Variants in DSCAM observed in about 807,000 individuals in gnomAD.
The protein encoded by DSCAM is DS cell adhesion molecule.
A neutral mutation model predicts 217.7 loss-of-function variants in DSCAM; 47 were observed. That is an observed-to-expected ratio of 0.22 (90% CI 0.17 to 0.28). The LOEUF (loss-of-function observed/expected upper bound fraction) is 0.28. Ranked by LOEUF, DSCAM falls within the 10% of genes least tolerant of loss-of-function variation. The pLI is 1.00. For synonymous variants in DSCAM, 1,056 were observed against 1,015.3 expected (o/e 1.04, Z -0.76); for missense variants, 2,080 against 2,618.3 (o/e 0.79, Z 4.49).
At chr21:40,550,047 G>A (rs943987416) in intron 3 of DSCAM, among the ~76,000 whole-genome samples, 3 of 152,118 alleles carry the variant, frequency 2.0e-5, no homozygotes, top group African/African-American at 7.2e-5. Context: ...CAAATGAAAA[G>A]AACCCTACCA....
intron 1 of DSCAM, among the ~76,000 whole-genome samples, chr21:40,833,956 C>T (rs1249530653): frequency 3.3e-5 from 5 of 152,132 alleles, no homozygotes; most frequent in African/African-American, 4.8e-5. Context: ...TAGCAACCCC[C>T]AACCAGATGT....
intron 29 of DSCAM, 122 bp from the exon 30 acceptor site, chr21:40,052,229 C>G: frequency 9.5e-7 from 1 of 1,054,060 alleles, no homozygotes; most frequent in Non-Finnish European, 1.4e-6. Context: ...ATAGCCCCAT[C>G]TAAAGTGACA....
intron 3 of DSCAM, among the ~76,000 whole-genome samples, chr21:40,515,230 G>C (rs1484515247): frequency 3.9e-5 from 6 of 152,050 alleles, no homozygotes; most frequent in Non-Finnish European, 5.9e-5. Flanking sequence ...CCTTGAAAAA[G>C]AGTTTTTGCC....
chr21:40,199,067 A>G (rs1247795638), intron 11 of DSCAM, among the ~76,000 whole-genome samples: 1 of 152,168 alleles, frequency 6.6e-6, no homozygotes, highest in Non-Finnish European at 1.5e-5. Context: ...TAAGACTTAG[A>G]TATGAGTAAC....
At chr21:40,411,179 C>T (rs1056410587) in intron 3 of DSCAM, among the ~76,000 whole-genome samples, 76 of 23,992 alleles carry the variant, frequency 3.2e-3, no homozygotes, top group Non-Finnish European at 7.7e-3. Flanking sequence ...ATTATATACA[C>T]ACACACACAC....
chr21:40,602,401 AT>A (rs1229894580), intron 3 of DSCAM, among the ~76,000 whole-genome samples: 2 of 151,742 alleles, frequency 1.3e-5, no homozygotes, highest in Non-Finnish European at 2.9e-5. Context: ...AATTGGTATC[AT>A]TTTTTTTCTT....
chr21:40,631,700 T>C (rs563216515), intron 3 of DSCAM, among the ~76,000 whole-genome samples: 35 of 152,334 alleles, frequency 2.3e-4, no homozygotes, highest in African/African-American at 7.0e-4. Flanking sequence ...ATCTGGATGA[T>C]AGAATCTCAG....
chr21:40,364,305 T>A (rs958312152), intron 4 of DSCAM, among the ~76,000 whole-genome samples: 1 of 152,022 alleles, frequency 6.6e-6, no homozygotes, highest in African/African-American at 2.4e-5. Flanking sequence ...TAGACTGGAT[T>A]AAGAAAAAGT....
intron 1 of DSCAM, among the ~76,000 whole-genome samples, chr21:40,804,264 C>T (rs1403385150): frequency 6.6e-6 from 1 of 152,166 alleles, no homozygotes; most frequent in Non-Finnish European, 1.5e-5. Context: ...ATGCACCTTC[C>T]TTTAAATTGA....
intron 3 of DSCAM, among the ~76,000 whole-genome samples, chr21:40,638,720 C>T (rs79192481): frequency 1.3e-5 from 2 of 152,066 alleles, no homozygotes; most frequent in African/African-American, 2.4e-5. Flanking sequence ...GAAAAATGAG[C>T]GGTAATTACA....
At chr21:40,330,188 T>A (rs1049721263) in intron 8 of DSCAM, among the ~76,000 whole-genome samples, 1 of 150,066 alleles carries the variant, frequency 6.7e-6, no homozygotes, top group Admixed American at 6.7e-5. Flanking sequence ...ATGTAAAAAA[T>A]CATGTATATA....
At position 40,627,943 on chromosome 21, in the gene DSCAM, G is replaced by A. The variant is rs189742509; in HGVS notation, c.508+64867C>T. ...CTTCTCTTCTACCCTGCTGGGAAGG[G>A]TAGAAGGAAACTTGAAGACCCCCAA... On this transcript the variant is annotated intron_variant, in intron 3 of 32. Coordinates refer to ENST00000400454, the MANE Select transcript of DSCAM (RefSeq NM_001389.5). Among the ~76,000 whole-genome samples the A allele has an allele frequency of 5.1e-4, 77 of 152,286 alleles. 1 individual carries two copies. In the East Asian group the frequency reaches 0.012, roughly 23 times the overall value.
chr21:40,483,820 G>C (rs1161655545), intron 3 of DSCAM, among the ~76,000 whole-genome samples: 1 of 152,120 alleles, frequency 6.6e-6, no homozygotes, highest in Non-Finnish European at 1.5e-5. Context: ...CGTGTCTTTT[G>C]TGTGTTCCTA....
At chr21:40,773,753 T>G (rs1161614774) in intron 1 of DSCAM, among the ~76,000 whole-genome samples, 1 of 152,220 alleles carries the variant, frequency 6.6e-6, no homozygotes, top group Non-Finnish European at 1.5e-5. Flanking sequence ...AGTGTGGCTG[T>G]GAATTCTAGG....
chr21:40,497,405 G>GAAAT (rs1490325526), intron 3 of DSCAM, among the ~76,000 whole-genome samples: 9 of 140,812 alleles, frequency 6.4e-5, no homozygotes, highest in Middle Eastern at 3.2e-3. Flanking sequence ...TCTCATATGT[G>GAAAT]AAATCTAAAA....
intron 1 of DSCAM, among the ~76,000 whole-genome samples, chr21:40,780,423 G>GTGTGTATATA (rs1007015659): frequency 1.2e-4 from 7 of 56,418 alleles, no homozygotes; most frequent in Admixed American, 2.1e-4. Flanking sequence ...GTGTGTGTGT[G>GTGTGTATATA]TATATATATA....
chr21:40,085,534 G>C, intron 23 of DSCAM, 68 bp downstream of exon 23: 1 of 1,339,510 alleles, frequency 7.5e-7, no homozygotes, highest in Non-Finnish European at 9.8e-7. Flanking sequence ...AATTTGTTCA[G>C]TGCTACTTTT....
At chr21:40,432,352 C>T (rs1340706333) in intron 3 of DSCAM, among the ~76,000 whole-genome samples, 6 of 152,250 alleles carry the variant, frequency 3.9e-5, no homozygotes, top group South Asian at 2.1e-4. Flanking sequence ...CCAGAGGCTG[C>T]GGTGTTTCTC....
intron 3 of DSCAM, among the ~76,000 whole-genome samples, chr21:40,413,732 C>A (rs2075344560): frequency 6.6e-6 from 1 of 152,194 alleles, no homozygotes. Context: ...CTAATCAAGA[C>A]AGTATATTAT....
Sources: allele counts gnomAD v4.1 joint callset (sites outside exome capture counted in the v4.1 genomes callset), GRCh38; gene constraint gnomAD v4.1.1; transcripts MANE v1.5; gene names NCBI Gene and HGNC (gene_info 2026-07-23, HGNC 2026-07-21).